The following MGMT variants were observed in gnomAD, a reference collection of about 807,000 sequenced individuals.
MGMT encodes O-6-methylguanine-DNA methyltransferase, also known as methylated-DNA--protein-cysteine methyltransferase.
MGMT carries 14 observed loss-of-function variants against 15.9 expected under a neutral mutation model. The ratio of observed to expected loss-of-function variants is 0.88; its 90% CI spans 0.58 to 1.37. The LOEUF (loss-of-function observed/expected upper bound fraction) is 1.37, where lower values mean the gene tolerates loss of function less well. MGMT is among the 40% of genes most tolerant of loss of function. The pLI is 0.00. For missense variants in MGMT, 282 were observed against 268.1 expected, an observed-to-expected ratio of 1.05 and a Z score of -0.36; for synonymous variants, 130 against 118.2, an observed-to-expected ratio of 1.10 and a Z score of -0.65.
At chr10:129,509,095 A>G (rs1845655009) in intron 1 of MGMT, among the ~76,000 whole-genome samples, 1 of 152,210 alleles carries the variant, frequency 6.6e-6, no homozygotes, top group East Asian at 1.9e-4. Flanking sequence ...GGTGAAGCCA[A>G]GAGCCCTTGC....
rs1847572902 is a variant in MGMT at position 129,659,591 on chromosome 10, G to A, written c.126-48304G>A. On this transcript the variant is annotated intron_variant, in intron 2 of 4. Transcript: ENST00000651593. The surrounding 1 kb of genome is among the most constrained non-coding windows in gnomAD (Gnocchi z 4.1). ...TACTGGCATTATTATTTAATGATGA[G>A]TTAGTGCAAATTGAGGGGTGAGGAA... 6.6e-6 allele frequency among the ~76,000 whole-genome samples: 1 copy of A among 152,290 alleles called. No individual in the cohort carries two copies. Among genetic ancestry groups the A allele is most frequent in the East Asian group, 1.9e-4 (1 of 5,188 alleles).
In MGMT at chr10:129,646,064, T is replaced by C. The variant is rs1234430158; in HGVS notation, c.126-61831T>C. On this transcript the variant is annotated intron_variant, in intron 2 of 4. Transcript: ENST00000651593. ...ACTAATAGCATTTGTTCAACATGCA[T>C]GATCCCGGTATGTGAAGTACAGATA... is the stretch of plus-strand genomic sequence containing the variant. Among the ~76,000 whole-genome samples the C allele has an allele frequency of 2.6e-5, 4 of 151,828 alleles. No individual in the cohort carries two copies. In the East Asian group the frequency reaches 7.9e-4, roughly 30 times the overall value.
At position 129,580,497 on chromosome 10, in the gene MGMT, A is replaced by G. The variant is rs1439519865; in HGVS notation, c.125+44120A>G. Among the ~76,000 whole-genome samples, 3 of 152,126 alleles carry G rather than the reference A, an allele frequency of 2.0e-5. No individual in the cohort carries two copies. In the East Asian group the frequency reaches 5.8e-4, roughly 29 times the overall value. ...CAGGGCCCGTGGGCTTTGAGCGAGGAAGGCCTTCTAGGTCTAGACGTTCCT... is the reference window on the plus strand; with the variant it reads ...CAGGGCCCGTGGGCTTTGAGCGAGGGAGGCCTTCTAGGTCTAGACGTTCCT... On this transcript the variant is annotated intron_variant, in intron 2 of 4. Coordinates refer to ENST00000651593, the MANE Select transcript of MGMT (RefSeq NM_002412.5).
At chr10:129,750,588 ATAGCAT>A (rs1325253036) in intron 3 of MGMT, among the ~76,000 whole-genome samples, 8 of 152,136 alleles carry the variant, frequency 5.3e-5, no homozygotes, top group Admixed American at 1.3e-4. Flanking sequence ...AGCTATTTAC[ATAGCAT>A]TTACATTATT....
chr10:129,646,754 A>ATATATATATATATTTTTTTTTTTTTTTT, intron 2 of MGMT, among the ~76,000 whole-genome samples: 12 of 86,652 alleles, frequency 1.4e-4, no homozygotes, highest in South Asian at 6.7e-4. Flanking sequence ...ATATATATAT[A>ATATATATATATATTTTTTTTTTTTTTTT]TTTTCAGGGA....
At chr10:129,679,623 T>A (rs1027168493) in intron 2 of MGMT, among the ~76,000 whole-genome samples, 5 of 152,188 alleles carry the variant, frequency 3.3e-5, no homozygotes, top group Non-Finnish European at 5.9e-5. Context: ...TGCTGTGGGG[T>A]ATTTTTATGT....
chr10:129,568,415 C>T (rs1014690331), intron 2 of MGMT, among the ~76,000 whole-genome samples: 1 of 152,270 alleles, frequency 6.6e-6, no homozygotes, highest in South Asian at 2.1e-4. Flanking sequence ...GGCAAATGTC[C>T]TGGGATTGGA....
At chr10:129,567,056 C>T (rs11593778) in intron 2 of MGMT, among the ~76,000 whole-genome samples, 35 of 152,270 alleles carry the variant, frequency 2.3e-4, no homozygotes, top group African/African-American at 7.5e-4. Flanking sequence ...CTCGTGTTTT[C>T]GAGTGTTTCC....
At chr10:129,766,147 C>T (rs772701892) in intron 4 of MGMT, among the ~76,000 whole-genome samples, 3 of 152,194 alleles carry the variant, frequency 2.0e-5, no homozygotes, top group Non-Finnish European at 4.4e-5. Flanking sequence ...CCTATCAGCA[C>T]AGGGCATCCT....
At chr10:129,744,467 C>T (rs1345070670) in intron 3 of MGMT, among the ~76,000 whole-genome samples, 1 of 152,242 alleles carries the variant, frequency 6.6e-6, no homozygotes, top group Non-Finnish European at 1.5e-5. Context: ...CTGCAGGTCA[C>T]CCACTGGCTG....
intron 2 of MGMT, among the ~76,000 whole-genome samples, chr10:129,625,869 T>C (rs556447423): frequency 1.2e-3 from 179 of 152,354 alleles, no homozygotes; most frequent in Non-Finnish European, 1.9e-3. Context: ...TTTCCCCAGC[T>C]AAATCTTTCC....
intron 2 of MGMT, among the ~76,000 whole-genome samples, chr10:129,691,364 AGGACTT>A (rs1847967626): frequency 6.6e-6 from 1 of 152,232 alleles, no homozygotes; most frequent in South Asian, 2.1e-4. Flanking sequence ...AGCTGGCAAC[AGGACTT>A]GGGAGAGGCG....
At chr10:129,565,523 A>C (rs1846344384) in intron 2 of MGMT, among the ~76,000 whole-genome samples, 1 of 152,212 alleles carries the variant, frequency 6.6e-6, no homozygotes, top group African/African-American at 2.4e-5. Context: ...ATATATTGAA[A>C]ATGAATGTAA....
intron 2 of MGMT, among the ~76,000 whole-genome samples, chr10:129,706,322 G>A (rs1425028921): frequency 9.2e-5 from 14 of 152,218 alleles, no homozygotes; most frequent in Admixed American, 5.2e-4. Context: ...TGCATCGGCC[G>A]CCTGTGCTGG....
intron 1 of MGMT, among the ~76,000 whole-genome samples, chr10:129,495,675 A>G (rs986446483): frequency 6.6e-6 from 1 of 152,206 alleles, no homozygotes; most frequent in African/African-American, 2.4e-5. Flanking sequence ...CAGAGAAACG[A>G]TTGCATGGAC....
chr10:129,578,442 C>G (rs1846513071), intron 2 of MGMT, among the ~76,000 whole-genome samples: 2 of 151,182 alleles, frequency 1.3e-5, no homozygotes, highest in African/African-American at 4.9e-5. Flanking sequence ...GACAAAAAAC[C>G]AAACACCGCA....
At chr10:129,750,080 A>G (rs1589975283) in intron 3 of MGMT, among the ~76,000 whole-genome samples, 1 of 151,552 alleles carries the variant, frequency 6.6e-6, no homozygotes, top group Admixed American at 6.6e-5. Context: ...TCGTTTTCAG[A>G]GTCTCAGCAT....
intron 2 of MGMT, among the ~76,000 whole-genome samples, chr10:129,674,648 A>T (rs898822464): frequency 6.6e-6 from 1 of 152,270 alleles, no homozygotes; most frequent in African/African-American, 2.4e-5. Context: ...ACACATTTCT[A>T]GGAAGCATGG....
At chr10:129,523,412 A>G (rs4750753) in intron 1 of MGMT, among the ~76,000 whole-genome samples, 37,818 of 149,726 alleles carry the variant, frequency 0.25, 5,653 homozygotes, top group African/African-American at 0.43. Context: ...CTAGTAAACT[A>G]AAGGAATCAT....
Sources: gnomAD v4.1 joint callset for allele counts (sites outside exome capture counted in the v4.1 genomes callset) on GRCh38, gnomAD v4.1.1 for gene constraint, Gnocchi (gnomAD v3.1) non-coding constraint, MANE v1.5 for transcripts, NCBI Gene and HGNC (gene_info 2026-07-23, HGNC 2026-07-21) for gene names.